HS6ST2: variants seen among roughly 807,000 people sequenced by gnomAD.
HS6ST2 encodes heparan sulfate 6-O-sulfotransferase 2, also known as heparan-sulfate 6-O-sulfotransferase 2.
A neutral mutation model predicts 33.0 loss-of-function variants in HS6ST2; 17 were observed. That is an observed-to-expected ratio of 0.52 (90% CI 0.35 to 0.77). The LOEUF (loss-of-function observed/expected upper bound fraction) is 0.77, where lower values mean the gene tolerates loss of function less well. Among genes scored for constraint, HS6ST2 ranks in the 30% least tolerant of loss-of-function variants. The pLI, the probability that HS6ST2 is intolerant of heterozygous loss-of-function variation, is 0.01. For synonymous variants in HS6ST2, 248 were observed against 237.1 expected (o/e 1.05, Z -0.42); for missense variants, 519 against 551.7 (o/e 0.94, Z 0.59).
chrX:132,828,046 C>T (rs1276071320), intron 2 of HS6ST2, among the ~76,000 whole-genome samples: 1 of 111,678 alleles, frequency 9.0e-6, no homozygotes, highest in East Asian at 2.8e-4. Flanking sequence ...TCTGCCCAAT[C>T]CTAATCACTC....
chrX:132,875,898 A>G (rs2066104698), intron 2 of HS6ST2, among the ~76,000 whole-genome samples: 1 of 111,281 alleles, frequency 9.0e-6, no homozygotes, highest in South Asian at 3.9e-4. Context: ...GCCCATAAAA[A>G]TACTGCCTCA....
intron 2 of HS6ST2, among the ~76,000 whole-genome samples, chrX:132,865,644 T>C (rs1331051237): frequency 1.8e-5 from 2 of 111,454 alleles, no homozygotes; most frequent in African/African-American, 3.3e-5. Flanking sequence ...CACCTGTTGT[T>C]TCCTGACTTT....
intron 2 of HS6ST2, among the ~76,000 whole-genome samples, chrX:132,772,931 T>G (rs1366618680): frequency 1.2e-5 from 1 of 84,956 alleles, no homozygotes; most frequent in African/African-American, 4.6e-5. Flanking sequence ...ATAATCCAAT[T>G]ATATTAATAT....
intron 2 of HS6ST2, among the ~76,000 whole-genome samples, chrX:132,718,767 A>G (rs777392024): frequency 9.0e-6 from 1 of 110,759 alleles, no homozygotes; most frequent in Non-Finnish European, 1.9e-5. Flanking sequence ...CCTGGTATAA[A>G]TCTTCACCAT....
intron 2 of HS6ST2, among the ~76,000 whole-genome samples, chrX:132,944,905 A>G (rs2066931098): frequency 8.9e-6 from 1 of 111,937 alleles, no homozygotes; most frequent in African/African-American, 3.3e-5. Context: ...AAAACCCTAG[A>G]AGAAAGCCTA....
At chrX:132,695,030 G>A (rs1368569199) in intron 3 of HS6ST2, among the ~76,000 whole-genome samples, 1 of 110,740 alleles carries the variant, frequency 9.0e-6, no homozygotes, top group African/African-American at 3.3e-5. Context: ...AGAGTTGCAG[G>A]AGTCTGGACC....
At chrX:132,751,553 G>A (rs1386626391) in intron 2 of HS6ST2, among the ~76,000 whole-genome samples, 1 of 111,875 alleles carries the variant, frequency 8.9e-6, no homozygotes, top group Admixed American at 9.5e-5. Context: ...GAGGAAGGAG[G>A]AGCAAGACTC....
At chrX:132,748,924 C>T (rs1335446101) in intron 2 of HS6ST2, among the ~76,000 whole-genome samples, 1 of 111,719 alleles carries the variant, frequency 9.0e-6, no homozygotes, top group East Asian at 2.8e-4. Flanking sequence ...CCACTGTTCC[C>T]AGCCTCAGAC....
chrX:132,772,636 T>C (rs1175596225), intron 2 of HS6ST2, among the ~76,000 whole-genome samples: 2 of 101,028 alleles, frequency 2.0e-5, no homozygotes, highest in Non-Finnish European at 3.9e-5. Flanking sequence ...TATATAATGA[T>C]ATTGTACACA....
At chrX:132,891,610 C>T (rs974580627) in intron 2 of HS6ST2, among the ~76,000 whole-genome samples, 3 of 110,049 alleles carry the variant, frequency 2.7e-5, no homozygotes, top group Non-Finnish European at 5.7e-5. Context: ...TGTTCAATTC[C>T]CACCTATGAG....
At chrX:132,629,491 A>C (rs1255979583) in intron 4 of HS6ST2, among the ~76,000 whole-genome samples, 1 of 112,017 alleles carries the variant, frequency 8.9e-6, no homozygotes, top group East Asian at 2.8e-4. Flanking sequence ...TAAACCATTT[A>C]GTGATCATGA....
rs1241279043 is a variant in HS6ST2, at chrX:132,628,396, G to C, written c.1765C>G (p.Pro589Ala). Residue 589 changes from proline (P) to alanine (A), a missense_variant, in exon 5 of 5, where the codon CCA becomes GCA. Pro to Ala is a conservative substitution (Grantham distance 27). Transcript: ENST00000370833. ...QNPNQNQSQN[P>A]NPNANQNLTQ... The stretch of plus-strand genomic sequence containing the variant: ...AGGTTCTGATTGGCATTCGGATTTG[G>C]GTTCTGACTCTGATTCTGATTCGGA... 3 of 1,193,894 alleles carry C rather than the reference G, an allele frequency of 2.5e-6. No individual in the cohort carries two copies. The highest frequency in any genetic ancestry group is 3.4e-6 in the Non-Finnish European group (3 of 882,723).
chrX:132,627,640 A>G lies in HS6ST2; in HGVS notation c.*583T>C, dbSNP rs1179121735. ...CTGTTCTTGAAAAGCCAATATTTTG[A>G]CATAAAACTACCCATGTTTGGAGAG... On this transcript the variant is annotated 3_prime_UTR_variant, in exon 5 of 5. Transcript: ENST00000370833. 8.9e-6 allele frequency: 1 copy of G among 112,581 alleles called. No individual in the cohort carries two copies. Among genetic ancestry groups the G allele is most frequent in the East Asian group, 2.8e-4 (1 of 3,607 alleles). The allele number at this position is 112,581 out of a possible 1,213,427, so 9.3% of individuals were successfully genotyped here. A position where few individuals can be genotyped will look rare whatever the true frequency, so the allele number is the denominator to read the frequency against.
At chrX:132,865,218 A>T (rs944638129) in intron 2 of HS6ST2, among the ~76,000 whole-genome samples, 2 of 103,785 alleles carry the variant, frequency 1.9e-5, no homozygotes, top group Non-Finnish European at 3.9e-5. Flanking sequence ...ATGAGTGAGA[A>T]TATGCGGTGT....
intron 2 of HS6ST2, among the ~76,000 whole-genome samples, chrX:132,866,256 T>C (rs1226385265): frequency 9.0e-6 from 1 of 111,565 alleles, no homozygotes; most frequent in Non-Finnish European, 1.9e-5. Context: ...CCATTGTTTG[T>C]TTTTCTGAGG....
At chrX:132,947,055 A>C (rs1449178950) in intron 2 of HS6ST2, among the ~76,000 whole-genome samples, 3 of 111,735 alleles carry the variant, frequency 2.7e-5, no homozygotes, top group Non-Finnish European at 5.6e-5. Flanking sequence ...CCAATGTCTA[A>C]GCACTGCATA....
chrX:132,814,492 GC>G (rs922088992), intron 2 of HS6ST2, among the ~76,000 whole-genome samples: 1 of 111,758 alleles, frequency 8.9e-6, no homozygotes, highest in African/African-American at 3.3e-5. Flanking sequence ...ATTTTACAGA[GC>G]CTGTTATATA....
At chrX:132,916,717 G>A (rs2066596770) in intron 2 of HS6ST2, among the ~76,000 whole-genome samples, 1 of 111,493 alleles carries the variant, frequency 9.0e-6, no homozygotes, top group Non-Finnish European at 1.9e-5. Context: ...TTCAGCTTTT[G>A]GAGTCTGGGA....
intron 2 of HS6ST2, among the ~76,000 whole-genome samples, chrX:132,841,443 G>T (rs920544279): frequency 9.0e-6 from 1 of 111,528 alleles, no homozygotes; most frequent in Non-Finnish European, 1.9e-5. Context: ...TTTCTGTAAA[G>T]AAAATCGACA....
Sources: allele counts gnomAD v4.1 joint callset (sites outside exome capture counted in the v4.1 genomes callset), GRCh38; gene constraint gnomAD v4.1.1; transcripts MANE v1.5; gene names NCBI Gene and HGNC (gene_info 2026-07-23, HGNC 2026-07-21).